Variants in ACTN1 observed in about 807,000 individuals in gnomAD.
The protein encoded by ACTN1 is actinin alpha 1, also known as alpha-actinin-1.
ACTN1 carries 30 observed loss-of-function variants against 119.6 expected under a neutral mutation model. That is an observed-to-expected ratio of 0.25 (90% CI 0.19 to 0.34). ACTN1 has a LOEUF of 0.34. Among genes scored for constraint, ACTN1 ranks in the 10% least tolerant of loss-of-function variants. ACTN1 has a pLI of 1.00. For missense variants in ACTN1, 764 were observed against 1,223.4 expected, an observed-to-expected ratio of 0.62 and a Z score of 5.60; for synonymous variants, 429 against 472.6, an observed-to-expected ratio of 0.91 and a Z score of 1.20.
chr14:68,977,805 C>CCCA (rs778887467), intron 1 of ACTN1: 8 of 367,594 alleles, frequency 2.2e-5, no homozygotes, highest in South Asian at 1.4e-4. Flanking sequence ...TCCTGTCCCC[C>CCCA]CCCCACCCAA....
intron 1 of ACTN1, among the ~76,000 whole-genome samples, chr14:68,934,302 T>C (rs2035377910): frequency 6.6e-6 from 1 of 152,232 alleles, no homozygotes; most frequent in South Asian, 2.1e-4. Flanking sequence ...AGACTTCCCG[T>C]AAGGGGCAGC....
In ACTN1 at chr14:68,885,335, T is replaced by G; in HGVS notation, c.1385+90A>C. 7 of 1,123,458 alleles carry G rather than the reference T, an allele frequency of 6.2e-6. No homozygotes were observed. The highest frequency in any genetic ancestry group is 1.4e-5 in the South Asian group (1 of 69,182). The allele number at this position is 1,123,458 out of a possible 1,614,324, so 69.6% of individuals were successfully genotyped here. A position where few individuals can be genotyped will look rare whatever the true frequency, so the allele number is the denominator to read the frequency against. On this transcript the variant is annotated intron_variant, in intron 12 of 21. Coordinates refer to ENST00000394419, the MANE Select transcript of ACTN1 (RefSeq NM_001130004.2). This position sits in a 1 kb window ranked among gnomAD's most constrained non-coding sequence, Gnocchi z 5.6. ...CCCACCTGTACCCACCCTCCCCATC[T>G]TCCACGGCCACACCCCCACCTCCCC...
rs556334165 is a variant in ACTN1 at position 68,973,681 on chromosome 14, G to C, written c.105+5271C>G. ...GTGGCTCTGAGCCCTAGTTTGCTGT[G>C]TCTCCTGTCCCTACTACTCCTAAGG... On this transcript the variant is annotated intron_variant, in intron 1 of 21. Transcript: ENST00000394419. 3.3e-5 allele frequency: 5 copies of C among 152,374 alleles called. No individual in the cohort carries two copies. The East Asian group carries it at 9.6e-4, about 29-fold the overall frequency. The allele number at this position is 152,374 out of a possible 1,614,324, so 9.4% of individuals were successfully genotyped here.
intron 16 of ACTN1, among the ~76,000 whole-genome samples, chr14:68,881,955 TGACAGAG>T (rs2031568829): frequency 3.4e-4 from 35 of 102,950 alleles, no homozygotes; most frequent in African/African-American, 4.8e-4. Flanking sequence ...TTTTTTTTTT[TGACAGAG>T]TCTTGCTCTG....
chr14:68,890,810 G>A (rs1017311844), intron 10 of ACTN1, among the ~76,000 whole-genome samples: 1 of 152,156 alleles, frequency 6.6e-6, no homozygotes, highest in Admixed American at 6.5e-5. Context: ...AGAATTCTGG[G>A]AGGACAGATG....
chr14:68,920,788 CAG>C (rs1316503694), intron 3 of ACTN1, among the ~76,000 whole-genome samples: 1 of 152,192 alleles, frequency 6.6e-6, no homozygotes, highest in Non-Finnish European at 1.5e-5. Flanking sequence ...GGCATGGGAA[CAG>C]GGGTCTAAGT....
intron 8 of ACTN1, among the ~76,000 whole-genome samples, chr14:68,900,050 A>G (rs903881517): frequency 1.5e-4 from 23 of 152,054 alleles, no homozygotes; most frequent in African/African-American, 5.6e-4. Context: ...GGGGATACCT[A>G]TGAGAAACAG....
At chr14:68,947,087 G>A (rs1163475431) in intron 1 of ACTN1, among the ~76,000 whole-genome samples, 1 of 152,180 alleles carries the variant, frequency 6.6e-6, no homozygotes, top group African/African-American at 2.4e-5. Context: ...TTCCCAGACT[G>A]GCCCGATTAT....
chr14:68,949,395 C>T (rs1239131499), intron 1 of ACTN1, among the ~76,000 whole-genome samples: 1 of 152,224 alleles, frequency 6.6e-6, no homozygotes, highest in African/African-American at 2.4e-5. Context: ...TTCATTAGCT[C>T]TGCAGCTCCA....
intron 1 of ACTN1, among the ~76,000 whole-genome samples, chr14:68,943,955 C>A (rs924999803): frequency 2.0e-5 from 3 of 152,166 alleles, no homozygotes; most frequent in African/African-American, 7.2e-5. Context: ...GGGACTCATC[C>A]AGCTCTGCCC....
At position 68,910,062 on chromosome 14, in the gene ACTN1, C is replaced by G; in HGVS notation, c.428-20G>C. On this transcript the variant is annotated intron_variant, in intron 4 of 21. Transcript: ENST00000394419. ...AAGTCTCTATGGGGAAGGGGATGGG[C>G]AGCGAGGTCAGAGGGCTGACTCGGT... The G allele has an allele frequency of 6.2e-7, 1 of 1,605,630 alleles. No homozygotes were observed. The highest frequency in any genetic ancestry group is 8.5e-7 in the Non-Finnish European group (1 of 1,173,634).
Position 68,925,486 on chromosome 14 carries a change from G to A in ACTN1, c.220+72C>T. 7.8e-7 allele frequency: 1 copy of A among 1,288,160 alleles called. No homozygotes were observed. The highest frequency in any genetic ancestry group is 1.4e-5 in the South Asian group (1 of 73,352). The allele number at this position is 1,288,160 out of a possible 1,614,324, so 79.8% of individuals were successfully genotyped here. A position where few individuals can be genotyped will look rare whatever the true frequency, so the allele number is the denominator to read the frequency against. On this transcript the variant is annotated intron_variant, in intron 2 of 21. Coordinates refer to ENST00000394419, the MANE Select transcript of ACTN1 (RefSeq NM_001130004.2). The surrounding 1 kb of genome is among the most constrained non-coding windows in gnomAD (Gnocchi z 4.3). Reference sequence around the variant, plus strand: ...GAGACCAAAACCAGCTGCGCTCATAGGCAGAGCAGATGCCAAGGTGTCAGG... The same window carrying A: ...GAGACCAAAACCAGCTGCGCTCATAAGCAGAGCAGATGCCAAGGTGTCAGG...
At position 68,893,702 on chromosome 14, in the gene ACTN1, G is replaced by A; in HGVS notation, c.808C>T (p.Gln270Ter). ...NRICKVLAVN[Q>*]ENEQLMEDYE... ...TCTTCCATAAGCTGCTCGTTCTCCT[G>A]GTTGACGGCCAACACCTTGCAGATG... The change falls in exon 9 of 22, where the codon CAG becomes TAG. Residue 270 changes from glutamine (Q) to a stop codon, truncating the protein, a stop_gained. Coordinates refer to ENST00000394419, the MANE Select transcript of ACTN1 (RefSeq NM_001130004.2). LOFTEE classifies it high-confidence loss of function. 1 of 1,614,158 alleles carries A rather than the reference G, an allele frequency of 6.2e-7. No individual in the cohort carries two copies. Among genetic ancestry groups the A allele is most frequent in the South Asian group, 1.1e-5 (1 of 91,088 alleles).
intron 3 of ACTN1, among the ~76,000 whole-genome samples, chr14:68,918,427 TA>T (rs1378462770): frequency 7.0e-6 from 1 of 142,254 alleles, no homozygotes; most frequent in African/African-American, 2.6e-5. Context: ...TAAAAATATT[TA>T]AAAAAAAATT....
chr14:68,968,032 A>G (rs942107748), intron 1 of ACTN1, among the ~76,000 whole-genome samples: 1 of 152,146 alleles, frequency 6.6e-6, no homozygotes, highest in Non-Finnish European at 1.5e-5. Context: ...CTACCCTGGG[A>G]GGTGAAAAAA....
intron 1 of ACTN1, among the ~76,000 whole-genome samples, chr14:68,928,123 G>T (rs1429442750): frequency 6.6e-6 from 1 of 152,212 alleles, no homozygotes; most frequent in Non-Finnish European, 1.5e-5. Context: ...CACCCGCCCA[G>T]CTGGGGGCTA....
chr14:68,947,019 G>GC (rs1367930917), intron 1 of ACTN1, among the ~76,000 whole-genome samples: 1 of 152,156 alleles, frequency 6.6e-6, no homozygotes, highest in Non-Finnish European at 1.5e-5. Context: ...ATTCCAATGG[G>GC]CCCCCGTGAA....
At chr14:68,943,937 G>A (rs2035847272) in intron 1 of ACTN1, among the ~76,000 whole-genome samples, 1 of 152,140 alleles carries the variant, frequency 6.6e-6, no homozygotes, top group African/African-American at 2.4e-5. Context: ...TCAGGCTGGG[G>A]AATGATGGGG....
intron 11 of ACTN1, chr14:68,887,840 C>G (rs181474): frequency 0.54 from 448,605 of 836,434 alleles, 126,065 homozygotes; most frequent in African/African-American, 0.75. Context: ...ACTCTCCTCA[C>G]TTTTCATTTC....
Sources: gnomAD v4.1 joint callset for allele counts (sites outside exome capture counted in the v4.1 genomes callset) on GRCh38, gnomAD v4.1.1 for gene constraint, Gnocchi (gnomAD v3.1) non-coding constraint, MANE v1.5 for transcripts, NCBI Gene and HGNC (gene_info 2026-07-23, HGNC 2026-07-21) for gene names.